MLH3: variants seen among roughly 807,000 people sequenced by gnomAD.
The protein encoded by MLH3 is DNA mismatch repair protein Mlh3.
MLH3 carries 82 observed loss-of-function variants against 122.2 expected under a neutral mutation model. That is an observed-to-expected ratio of 0.67 (90% CI 0.56 to 0.81). MLH3 has a LOEUF of 0.81. Ranked by LOEUF, MLH3 falls within the 30% of genes least tolerant of loss-of-function variation. The pLI is 0.00. For missense variants in MLH3, 1,539 were observed against 1,714.5 expected, an observed-to-expected ratio of 0.90 and a Z score of 1.81; for synonymous variants, 524 against 599.5, an observed-to-expected ratio of 0.87 and a Z score of 1.84.
chr14:75,023,051 A>G (rs764889248), intron 9 of MLH3, 33 bp from the exon 10 acceptor site: 1 of 1,613,528 alleles, frequency 6.2e-7, no homozygotes, highest in Non-Finnish European at 8.5e-7. Context: ...GCTTTAATCT[A>G]CGGTTATGTT....
Position 75,049,044 on chromosome 14 carries a change from G to C in MLH3, c.612C>G (p.Thr204=), listed in dbSNP as rs1158819223. 1.9e-6 allele frequency: 3 copies of C among 1,614,036 alleles called. No homozygotes were observed. Among genetic ancestry groups the C allele is most frequent in the East Asian group, 2.2e-5 (1 of 44,884 alleles). Residue 204 remains threonine (T), a synonymous_variant, in exon 2 of 13, where the codon ACC becomes ACG. Coordinates refer to ENST00000355774, the MANE Select transcript of MLH3 (RefSeq NM_001040108.2). ...SGSMVLQLPK[T]KDVCSRFCQI... is the part of the protein sequence containing the mutation. Reference sequence around the variant, plus strand: ...GACAAAATCGGGAACATACGTCTTTGGTTTTAGGGAGCTGAAGAACCATGG... The same window carrying C: ...GACAAAATCGGGAACATACGTCTTTCGTTTTAGGGAGCTGAAGAACCATGG...
chr14:75,026,149 A>G (rs939133949), intron 9 of MLH3, among the ~76,000 whole-genome samples: 2 of 152,108 alleles, frequency 1.3e-5, no homozygotes, highest in African/African-American at 4.8e-5. Context: ...CTATCCTCTA[A>G]TTTTAGATTT....
In MLH3 at chr14:75,014,839, G is replaced by A. The variant is rs1889812277; in HGVS notation, c.*2243C>T. ...AAGGGATAGCATATGGGTAATAATG[G>A]GAAGGACTGTGCAGTTTGAAGTCAC... On this transcript the variant is annotated 3_prime_UTR_variant, in exon 13 of 13. Transcript: ENST00000355774. 2.2e-5 allele frequency: 4 copies of A among 182,126 alleles called. No individual in the cohort carries two copies. Among genetic ancestry groups the A allele is most frequent in the Admixed American group, 1.9e-4 (3 of 15,950 alleles). 11.3% of individuals were successfully genotyped at this position (182,126 alleles called of 1,614,324 possible).
In MLH3 at chr14:75,046,788, G is replaced by A; in HGVS notation, c.2868C>T (p.Asn956=). The stretch of plus-strand genomic sequence containing the variant: ...TCACACAGTTCTCTGTTGTATTGCT[G>A]TTAGAATGTGTTTTACTATTTTTAT... ...SFNKNSKTHS[N]SNTTENCVIS... is the part of the protein sequence containing the mutation. The change falls in exon 2 of 13, where the codon AAC becomes AAT. Residue 956 remains asparagine (N), a synonymous_variant. Coordinates refer to ENST00000355774, the MANE Select transcript of MLH3 (RefSeq NM_001040108.2). The A allele has an allele frequency of 6.2e-7, 1 of 1,614,084 alleles. No individual in the cohort carries two copies. The highest frequency in any genetic ancestry group is 1.7e-5 in the Admixed American group (1 of 60,020).
At chr14:75,023,683 T>C (rs1278006329) in intron 9 of MLH3, among the ~76,000 whole-genome samples, 3 of 152,170 alleles carry the variant, frequency 2.0e-5, no homozygotes, top group East Asian at 1.9e-4. Context: ...GCAGACACTA[T>C]TTCATGCTAC....
chr14:75,021,166 C>T (rs925812383), intron 11 of MLH3, among the ~76,000 whole-genome samples: 1 of 152,226 alleles, frequency 6.6e-6, no homozygotes, highest in South Asian at 2.1e-4. Flanking sequence ...CGTAAGCAAC[C>T]GCGCCTGGGC....
Position 75,041,694 on chromosome 14 carries a change from A to G in MLH3, c.3386T>C (p.Val1129Ala), listed in dbSNP as rs202222467. 41 of 1,613,188 alleles carry G rather than the reference A, an allele frequency of 2.5e-5. No homozygotes were observed. The Admixed American group carries it at 3.5e-4, about 14-fold the overall frequency. ...CGATTCGCTACTAACAGTATCATCC[A>G]CAGTATCTAGGGCAAAAGGGAACAG... is the stretch of plus-strand genomic sequence containing the variant. ...TVMRQDNRDT[V>A]DDTVSSESLQ... The change falls in exon 4 of 13, where the codon GTG becomes GCG. Residue 1129 changes from valine (V) to alanine (A), a missense_variant. Val to Ala is a moderately conservative substitution (Grantham distance 64). Transcript: ENST00000355774.
In MLH3 at chr14:75,049,297, A is replaced by G. The variant is rs28756979; in HGVS notation, c.359T>C (p.Phe120Ser). The part of the protein sequence containing the change: ...SSKKNRTMKT[F>S]VKLFQSGKAL... Reference sequence around the variant, plus strand: ...TTTTCCACTCTGAAACAGTTTCACAAAAGTTTTCATTGTCCTGTTTTTCTT... The same window carrying G: ...TTTTCCACTCTGAAACAGTTTCACAGAAGTTTTCATTGTCCTGTTTTTCTT... Residue 120 changes from phenylalanine to serine, a missense_variant, in exon 2 of 13, where the codon TTT (phenylalanine) becomes TCT (serine). Phe to Ser is a radical substitution (Grantham distance 155, BLOSUM62 -2). Coordinates refer to ENST00000355774, the MANE Select transcript of MLH3 (RefSeq NM_001040108.2). The G allele has an allele frequency of 2.3e-4, 372 of 1,614,228 alleles. No homozygotes were observed. The African/African-American group carries it at 4.4e-3, about 19-fold the overall frequency.
chr14:75,041,441 C>T (rs1476601046), intron 4 of MLH3, among the ~76,000 whole-genome samples, 174 bp downstream of exon 4: 1 of 151,784 alleles, frequency 6.6e-6, no homozygotes, highest in Non-Finnish European at 1.5e-5. Flanking sequence ...CCCAGCTGCT[C>T]GAGAGACTGA....
chr14:75,027,688 A>AAAC (rs760530465), intron 9 of MLH3, among the ~76,000 whole-genome samples: 9,037 of 134,490 alleles, frequency 0.067, 448 homozygotes, highest in Non-Finnish European at 0.099. Flanking sequence ...AAAAAAAAAA[A>AAAC]AAAAAACCCA....
At chr14:75,038,550 C>A (rs1319375656) in intron 5 of MLH3, 138 bp from the exon 6 acceptor site, 8 of 683,914 alleles carry the variant, frequency 1.2e-5, no homozygotes, top group Non-Finnish European at 1.9e-5. Flanking sequence ...GGGTAAGGTT[C>A]TGATGAACCA....
At position 75,018,979 on chromosome 14, in the gene MLH3, C is replaced by T. The variant is rs1555386745; in HGVS notation, c.4092G>A (p.Gly1364=). 1 of 1,614,040 alleles carries T rather than the reference C, an allele frequency of 6.2e-7. No individual in the cohort carries two copies. The highest frequency in any genetic ancestry group is 1.3e-5 in the African/African-American group (1 of 75,020). Residue 1364 remains glycine (G), a splice_region_variant and synonymous_variant, in exon 12 of 13, where the codon GGG becomes GGA. Coordinates refer to ENST00000355774, the MANE Select transcript of MLH3 (RefSeq NM_001040108.2). ...QKVLASQACH[G]AIKFNDGLSL... ...TCAGGCCATCATTAAACTTAATGGCCCCTAAATGAAAGACAGAAACAAGAA... is the reference window on the plus strand; with the variant it reads ...TCAGGCCATCATTAAACTTAATGGCTCCTAAATGAAAGACAGAAACAAGAA...
Position 75,016,927 on chromosome 14 carries a change from C to T in MLH3, c.*155G>A. 1.2e-6 allele frequency: 1 copy of T among 826,378 alleles called. No homozygotes were observed. The highest frequency in any genetic ancestry group is 2.1e-6 in the Non-Finnish European group (1 of 487,156). 51.2% of individuals were successfully genotyped at this position (826,378 alleles called of 1,614,324 possible). A position where few individuals can be genotyped will look rare whatever the true frequency, so the allele number is the denominator to read the frequency against. ...TACTCAACTAGGGGAATCATCTGCT[C>T]AAGAAAGACTGATACAGAGAGCCCT... On this transcript the variant is annotated 3_prime_UTR_variant, in exon 13 of 13. Transcript: ENST00000355774.
chr14:75,016,863 A>C lies in MLH3; in HGVS notation c.*219T>G. On this transcript the variant is annotated 3_prime_UTR_variant, in exon 13 of 13. Coordinates refer to ENST00000355774, the MANE Select transcript of MLH3 (RefSeq NM_001040108.2). Reference sequence around the variant, plus strand: ...AGCAACCTTCTGTGCCCATGGATGCAAATGAATGAATTGTCTTTAGGCTTG... The same window carrying C: ...AGCAACCTTCTGTGCCCATGGATGCCAATGAATGAATTGTCTTTAGGCTTG... The C allele has an allele frequency of 1.8e-6, 1 of 555,388 alleles. No individual in the cohort carries two copies. Among genetic ancestry groups the C allele is most frequent in the Non-Finnish European group, 3.3e-6 (1 of 305,746 alleles). 34.4% of individuals were successfully genotyped at this position (555,388 alleles called of 1,614,324 possible).
chr14:75,018,793 T>G, intron 12 of MLH3, 36 bp downstream of exon 12: 1 of 1,609,416 alleles, frequency 6.2e-7, no homozygotes, highest in South Asian at 1.1e-5. Flanking sequence ...GAAAATAAAC[T>G]TTGCTCCCTC....
chr14:75,031,541 A>G (rs1380820871), intron 8 of MLH3, among the ~76,000 whole-genome samples: 1 of 152,240 alleles, frequency 6.6e-6, no homozygotes, highest in East Asian at 1.9e-4. Flanking sequence ...GGCTGGGTCC[A>G]GTGGCTCACG....
In MLH3 at chr14:75,015,220, G is replaced by A. The variant is rs1284211213; in HGVS notation, c.*1862C>T. The A allele has an allele frequency of 5.6e-6, 1 of 177,070 alleles. No homozygotes were observed. Among genetic ancestry groups the A allele is most frequent in the Admixed American group, 6.3e-5 (1 of 15,800 alleles). The allele number at this position is 177,070 out of a possible 1,614,324, so 11.0% of individuals were successfully genotyped here. A position where few individuals can be genotyped will look rare whatever the true frequency, so the allele number is the denominator to read the frequency against. On this transcript the variant is annotated 3_prime_UTR_variant, in exon 13 of 13. Transcript: ENST00000355774. ...TCTATTAGATATTTTTCCCTAATAGGTTGTTTTTATGCTGAGGCATGCCCC... is the reference window on the plus strand; with the variant it reads ...TCTATTAGATATTTTTCCCTAATAGATTGTTTTTATGCTGAGGCATGCCCC...
chr14:75,018,585 C>G (rs566449986), intron 12 of MLH3, among the ~76,000 whole-genome samples: 2 of 152,298 alleles, frequency 1.3e-5, no homozygotes, highest in South Asian at 4.1e-4. Context: ...TAAGTCTGTA[C>G]ATGTGTTAAG....
At chr14:75,017,344 C>A (rs1889955315) in intron 12 of MLH3, 143 bp from the exon 13 acceptor site, 1 of 750,884 alleles carries the variant, frequency 1.3e-6, no homozygotes, top group South Asian at 1.4e-5. Flanking sequence ...TGAGACCAGC[C>A]TGGCCAATAT....
Sources: gnomAD v4.1 joint callset for allele counts (sites outside exome capture counted in the v4.1 genomes callset) on GRCh38, gnomAD v4.1.1 for gene constraint, MANE v1.5 for transcripts, NCBI Gene and HGNC (gene_info 2026-07-23, HGNC 2026-07-21) for gene names.